CDC42BPA: variants seen among roughly 807,000 people sequenced by gnomAD.
CDC42BPA encodes the protein CDC42 binding protein kinase alpha, also known as serine/threonine-protein kinase MRCK alpha.
Under a neutral mutation model 223.5 loss-of-function variants are expected in CDC42BPA, and 80 were observed. The observed-to-expected ratio is 0.36, with a 90% CI of 0.30 to 0.43. The LOEUF is 0.43. Among genes scored for constraint, CDC42BPA ranks in the 20% least tolerant of loss-of-function variants. The pLI, the probability that CDC42BPA is intolerant of heterozygous loss-of-function variation, is 1.00. For missense variants in CDC42BPA, 1,743 were observed against 2,099.9 expected, an observed-to-expected ratio of 0.83 and a Z score of 3.32; for synonymous variants, 694 against 718.6, an observed-to-expected ratio of 0.97 and a Z score of 0.55.
Position 227,080,961 on chromosome 1 carries a change from A to T in CDC42BPA, c.2412T>A (p.Val804=). 1 of 1,613,680 alleles carries T rather than the reference A, an allele frequency of 6.2e-7. No homozygotes were observed. The highest frequency in any genetic ancestry group is 8.5e-7 in the Non-Finnish European group (1 of 1,179,718). Residue 804 remains valine (V), a synonymous_variant, in exon 17 of 37, where the codon GTT becomes GTA. Transcript: ENST00000366766. ...SIHNQQLEEE[V]KDLADKKESV... ...ATTCTTTCTTGTCTGCTAGATCTTT[A>T]ACCTCTTCTTCTAACTGCTGGTTGT...
intron 10 of CDC42BPA, among the ~76,000 whole-genome samples, chr1:227,130,446 A>T (rs1230311066): frequency 6.6e-6 from 1 of 152,116 alleles, no homozygotes; most frequent in African/African-American, 2.4e-5. Flanking sequence ...TTGGGTTCAA[A>T]ACATACTAAA....
intron 3 of CDC42BPA, among the ~76,000 whole-genome samples, chr1:227,208,792 T>C (rs1045824203): frequency 6.6e-6 from 1 of 152,218 alleles, no homozygotes; most frequent in African/African-American, 2.4e-5. Context: ...GGCAGTGTGA[T>C]GCCTCCAGCT....
At chr1:227,067,338 G>A (rs1677295579) in intron 21 of CDC42BPA, among the ~76,000 whole-genome samples, 1 of 152,044 alleles carries the variant, frequency 6.6e-6, no homozygotes, top group African/African-American at 2.4e-5. Context: ...AATACATACT[G>A]CTCTTAGGTT....
intron 1 of CDC42BPA, among the ~76,000 whole-genome samples, chr1:227,314,384 T>G (rs1332095637): frequency 6.6e-6 from 1 of 152,070 alleles, no homozygotes; most frequent in Non-Finnish European, 1.5e-5. Context: ...GGCTTAATCC[T>G]CTCTTTCTCT....
At chr1:227,022,672 C>T (rs1383933668) in intron 32 of CDC42BPA, among the ~76,000 whole-genome samples, 1 of 152,108 alleles carries the variant, frequency 6.6e-6, no homozygotes, top group Non-Finnish European at 1.5e-5. Flanking sequence ...GAACAGTCTC[C>T]CTGGCATTTT....
intron 1 of CDC42BPA, among the ~76,000 whole-genome samples, chr1:227,314,265 A>G (rs1694001142): frequency 6.6e-6 from 1 of 152,130 alleles, no homozygotes; most frequent in Non-Finnish European, 1.5e-5. Flanking sequence ...GACAAAAAAC[A>G]TAGTCTTTCA....
chr1:227,305,227 G>C lies in CDC42BPA; in HGVS notation c.178+11778C>G, dbSNP rs576443324. Among the ~76,000 whole-genome samples the C allele has an allele frequency of 2.6e-5, 4 of 152,248 alleles. 1 individual carries two copies. In the South Asian group the frequency reaches 6.2e-4, roughly 24 times the overall value. On this transcript the variant is annotated intron_variant, in intron 1 of 36. Transcript: ENST00000366766. ...ATACTTGCAATGTTTCTGTAAACTCGAGATTATTTCAAAATTTTTTTAAGT... is the reference window on the plus strand; with the variant it reads ...ATACTTGCAATGTTTCTGTAAACTCCAGATTATTTCAAAATTTTTTTAAGT...
chr1:227,285,836 T>A (rs962715172), intron 1 of CDC42BPA, among the ~76,000 whole-genome samples: 1 of 145,606 alleles, frequency 6.9e-6, no homozygotes, highest in African/African-American at 2.5e-5. Flanking sequence ...TACTCCTGAG[T>A]ACTTGGATAT....
intron 2 of CDC42BPA, among the ~76,000 whole-genome samples, chr1:227,237,769 G>A (rs1017838822): frequency 4.0e-5 from 6 of 151,702 alleles, no homozygotes; most frequent in Non-Finnish European, 8.8e-5. Context: ...GGCCAGGCGC[G>A]GGGGCTCATG....
intron 6 of CDC42BPA, among the ~76,000 whole-genome samples, chr1:227,153,668 A>G (rs1662201784): frequency 2.0e-5 from 3 of 151,972 alleles, no homozygotes; most frequent in Non-Finnish European, 4.4e-5. Context: ...TGAAAAGACT[A>G]TAACGTATTA....
intron 1 of CDC42BPA, among the ~76,000 whole-genome samples, chr1:227,259,861 T>C (rs751267669): frequency 4.6e-5 from 7 of 150,906 alleles, no homozygotes; most frequent in Non-Finnish European, 1.0e-4. Flanking sequence ...CTTTAATCAT[T>C]GTCTTAATGT....
rs117002516 is a variant in CDC42BPA at position 227,038,675 on chromosome 1, T to C, written c.3199+1456A>G. 2.2e-3 allele frequency among the ~76,000 whole-genome samples: 336 copies of C among 152,320 alleles called. 9 individuals carry two copies. In the East Asian group the frequency reaches 0.045, roughly 21 times the overall value. On this transcript the variant is annotated intron_variant, in intron 24 of 36. Coordinates refer to ENST00000366766, the MANE Select transcript of CDC42BPA (RefSeq NM_001394014.1). The stretch of plus-strand genomic sequence containing the variant: ...CCAAAACCACTGCACCCAGATCAGC[T>C]ACAGAATGTTCAACGGAAATTTTAA...
chr1:227,250,500 T>C (rs567701682), intron 2 of CDC42BPA, among the ~76,000 whole-genome samples: 6 of 151,596 alleles, frequency 4.0e-5, no homozygotes, highest in African/African-American at 1.5e-4. Flanking sequence ...AATAAAAAAA[T>C]AAAAAATAAA....
At chr1:227,141,691 C>A (rs1659699304) in intron 9 of CDC42BPA, among the ~76,000 whole-genome samples, 1 of 152,152 alleles carries the variant, frequency 6.6e-6, no homozygotes, top group Admixed American at 6.5e-5. Context: ...CATCTGTAAT[C>A]CCAGCAACAG....
At chr1:227,144,528 T>C (rs6675383) in intron 8 of CDC42BPA, among the ~76,000 whole-genome samples, 22,565 of 125,926 alleles carry the variant, frequency 0.18, 2,116 homozygotes, top group Middle Eastern at 0.33. Context: ...TGAGCCGAGA[T>C]TGTGCCACAG....
intron 21 of CDC42BPA, among the ~76,000 whole-genome samples, chr1:227,057,651 T>C (rs1272303725): frequency 6.6e-6 from 1 of 152,106 alleles, no homozygotes; most frequent in African/African-American, 2.4e-5. Context: ...CAAAGAAAAA[T>C]TGAAGGAGGC....
chr1:227,261,871 A>G (rs1447483912), intron 1 of CDC42BPA, among the ~76,000 whole-genome samples: 1 of 152,174 alleles, frequency 6.6e-6, no homozygotes, highest in Admixed American at 6.5e-5. Flanking sequence ...GGGGGGCAGC[A>G]TAAGAGGAAA....
chr1:227,229,274 T>C (rs1217460935), intron 2 of CDC42BPA, among the ~76,000 whole-genome samples: 3 of 152,194 alleles, frequency 2.0e-5, no homozygotes, highest in African/African-American at 7.2e-5. Context: ...AAAAAACTGT[T>C]TTACCTCCTT....
At chr1:227,310,926 C>T (rs1034738794) in intron 1 of CDC42BPA, among the ~76,000 whole-genome samples, 2 of 151,812 alleles carry the variant, frequency 1.3e-5, no homozygotes, top group Non-Finnish European at 2.9e-5. Context: ...CTCCTGACCT[C>T]GTGATCCGCC....
Sources: allele counts gnomAD v4.1 joint callset (sites outside exome capture counted in the v4.1 genomes callset), GRCh38; gene constraint gnomAD v4.1.1; transcripts MANE v1.5; gene names NCBI Gene and HGNC (gene_info 2026-07-23, HGNC 2026-07-21).